The following MYO18B variants were observed in gnomAD, a reference collection of about 807,000 sequenced individuals.
The protein encoded by MYO18B is unconventional myosin-XVIIIb.
MYO18B carries 204 observed loss-of-function variants against 273.0 expected under a neutral mutation model. The ratio of observed to expected loss-of-function variants is 0.75; its 90% CI spans 0.67 to 0.84. The LOEUF (loss-of-function observed/expected upper bound fraction) is 0.84. Ranked by LOEUF, MYO18B falls within the 40% of genes least tolerant of loss-of-function variation. The pLI is 0.00. For missense variants in MYO18B, 3,212 were observed against 3,287.6 expected, an observed-to-expected ratio of 0.98 and a Z score of 0.56; for synonymous variants, 1,330 against 1,305.7, an observed-to-expected ratio of 1.02 and a Z score of -0.40.
In MYO18B at chr22:25,843,877, C is replaced by G. The variant is rs1211827715; in HGVS notation, c.3351C>G (p.Val1117=). ...PNLSALDAPQ[V]LHQSKREELR... ...TCTCGGCCCTGGATGCACCCCAGGT[C>G]CTGCACCAGTCAAAAAGGTGAGTTG... The change falls in exon 18 of 44, where the codon GTC becomes GTG. Residue 1117 remains valine, a synonymous_variant. Coordinates refer to ENST00000335473, the MANE Select transcript of MYO18B (RefSeq NM_032608.7). The G allele has an allele frequency of 1.2e-6, 2 of 1,608,316 alleles. No individual in the cohort carries two copies. Among genetic ancestry groups the G allele is most frequent in the Non-Finnish European group, 1.7e-6 (2 of 1,175,346 alleles).
chr22:25,929,534 A>C (rs371359784), intron 34 of MYO18B, among the ~76,000 whole-genome samples: 39 of 152,350 alleles, frequency 2.6e-4, no homozygotes, highest in African/African-American at 7.9e-4. Context: ...GCTCCAGGGC[A>C]GCAGTTGCTT....
chr22:25,751,435 C>T (rs1025657464), intron 1 of MYO18B, among the ~76,000 whole-genome samples: 1 of 152,236 alleles, frequency 6.6e-6, no homozygotes, highest in Admixed American at 6.5e-5. Flanking sequence ...GAGCCAGCTT[C>T]CTAGGCTTCC....
intron 6 of MYO18B, among the ~76,000 whole-genome samples, chr22:25,772,051 A>T (rs2086739095): frequency 6.6e-6 from 1 of 152,208 alleles, no homozygotes; most frequent in Non-Finnish European, 1.5e-5. Flanking sequence ...AATTTTGTCA[A>T]GTCTGCCTTG....
intron 1 of MYO18B, among the ~76,000 whole-genome samples, chr22:25,758,481 A>G (rs934213478): frequency 1.3e-5 from 2 of 151,958 alleles, no homozygotes; most frequent in Admixed American, 1.3e-4. Context: ...AAAAAAAAAA[A>G]GCAAAAACAT....
chr22:26,058,530 T>G, the MYO18B span, among the ~76,000 whole-genome samples: 1 of 152,150 alleles, frequency 6.6e-6, no homozygotes, highest in Non-Finnish European at 1.5e-5. Context: ...TCTCCTCAAA[T>G]TTCATGTTGA....
chr22:25,814,294 C>CTTTTTTTTTTTTTTTTTTTTTTTTTT (rs398036691), intron 12 of MYO18B, among the ~76,000 whole-genome samples: 6 of 59,496 alleles, frequency 1.0e-4, no homozygotes, highest in East Asian at 5.4e-4. Context: ...AGGCACCGTT[C>CTTTTTTTTTTTTTTTTTTTTTTTTTT]TTTTTTTTTT....
chr22:25,758,944 C>T (rs535476800), intron 1 of MYO18B, among the ~76,000 whole-genome samples: 6 of 152,094 alleles, frequency 3.9e-5, no homozygotes, highest in South Asian at 2.1e-4. Context: ...TTAGTAGAGA[C>T]GGAGTTTCAC....
intron 35 of MYO18B, among the ~76,000 whole-genome samples, chr22:25,947,511 C>G (rs1025166843): frequency 2.8e-5 from 4 of 144,786 alleles, no homozygotes; most frequent in African/African-American, 8.4e-5. Flanking sequence ...CACACACACA[C>G]ACACACACAC....
In MYO18B at chr22:25,993,355, G is replaced by A. The variant is rs373075069; in HGVS notation, c.6287+862G>A. Among the ~76,000 whole-genome samples, 14 of 152,236 alleles carry A rather than the reference G, an allele frequency of 9.2e-5. No individual in the cohort carries two copies. In the East Asian group the frequency reaches 1.7e-3, roughly 19 times the overall value. On this transcript the variant is annotated intron_variant, in intron 40 of 43. Transcript: ENST00000335473. ...CGTTCTAGCCTCTGTGGCAAAGCCT[G>A]GGTAGCAGAGAAGACACTTTCCTTA...
downstream of MYO18B, among the ~76,000 whole-genome samples, chr22:26,034,129 T>G (rs1936731038): frequency 1.3e-5 from 2 of 152,154 alleles, no homozygotes; most frequent in Non-Finnish European, 2.9e-5. Flanking sequence ...ATTTTTGTAT[T>G]TTTAGTAGAG....
chr22:25,752,881 G>A (rs76909205), intron 1 of MYO18B, among the ~76,000 whole-genome samples: 1 of 152,172 alleles, frequency 6.6e-6, no homozygotes, highest in Non-Finnish European at 1.5e-5. Flanking sequence ...GGTGGTCGGA[G>A]GCTCCGTACT....
At chr22:25,809,880 A>G (rs1247582807) in intron 12 of MYO18B, among the ~76,000 whole-genome samples, 1 of 152,156 alleles carries the variant, frequency 6.6e-6, no homozygotes, top group East Asian at 1.9e-4. Context: ...CACAATGACC[A>G]TATATTCAAG....
intron 20 of MYO18B, 92 bp downstream of exon 20, chr22:25,847,744 G>A: frequency 2.1e-6 from 2 of 941,422 alleles, no homozygotes; most frequent in Non-Finnish European, 3.2e-6. Context: ...CCCCTGCCAT[G>A]TGCTAGGAGC....
chr22:25,948,669 T>G (rs2092756984), intron 36 of MYO18B, among the ~76,000 whole-genome samples: 1 of 151,976 alleles, frequency 6.6e-6, no homozygotes, highest in South Asian at 2.1e-4. Flanking sequence ...TGAAAAATGC[T>G]AAGTATATTG....
At chr22:25,995,461 A>T (rs1262780759) in intron 40 of MYO18B, among the ~76,000 whole-genome samples, 1 of 152,236 alleles carries the variant, frequency 6.6e-6, no homozygotes, top group East Asian at 1.9e-4. Context: ...ATTTTCCATG[A>T]TATGGTTGTT....
At chr22:26,003,119 A>G in intron 40 of MYO18B, 146 bp from the exon 41 acceptor site, 1 of 708,946 alleles carries the variant, frequency 1.4e-6, no homozygotes, top group Admixed American at 2.1e-5. Context: ...AAGGAAGCTC[A>G]GGGAAGGCAA....
rs116518719 is a variant in MYO18B, at chr22:25,868,541, C to T, written c.3951+156C>T. ...ATGATTTTCTGCCCTGCCTATCTTA[C>T]AAGGTCCTGGAGAGACAATGTCATA... On this transcript the variant is annotated intron_variant, in intron 22 of 43. Transcript: ENST00000335473. Among the ~76,000 whole-genome samples the T allele has an allele frequency of 9.5e-3, 1,448 of 152,306 alleles. 31 individuals carry two copies. The highest frequency in any genetic ancestry group is 0.032 in the African/African-American group (1,331 of 41,558).
chr22:25,779,076 G>T (rs932846953), intron 8 of MYO18B, among the ~76,000 whole-genome samples: 17 of 152,080 alleles, frequency 1.1e-4, no homozygotes, highest in African/African-American at 3.9e-4. Flanking sequence ...TAATACCACA[G>T]ATAAGCTATA....
chr22:25,868,484 G>A (rs1028303250), intron 22 of MYO18B, 99 bp downstream of exon 22: 31 of 1,028,610 alleles, frequency 3.0e-5, no homozygotes, highest in African/African-American at 6.5e-5. Flanking sequence ...ATCTCTGTAC[G>A]TCTCCTTTTT....
Sources: allele counts gnomAD v4.1 joint callset (sites outside exome capture counted in the v4.1 genomes callset), GRCh38; gene constraint gnomAD v4.1.1; transcripts MANE v1.5; gene names NCBI Gene and HGNC (gene_info 2026-07-23, HGNC 2026-07-21).